SETD3: variants seen among roughly 807,000 people sequenced by gnomAD.
The protein encoded by SETD3 is actin-histidine N-methyltransferase.
SETD3 carries 19 observed loss-of-function variants against 63.0 expected under a neutral mutation model. That is an observed-to-expected ratio of 0.30 (90% CI 0.21 to 0.44). SETD3 has a LOEUF of 0.44. SETD3 is among the 20% of genes least tolerant of loss of function. SETD3 has a pLI of 1.00. For missense variants in SETD3, 587 were observed against 728.5 expected (o/e 0.81, Z 2.24); for synonymous variants, 286 against 264.1 (o/e 1.08, Z -0.80).
chr14:99,414,063 C>G, intron 6 of SETD3, 129 bp from the exon 7 acceptor site: 1 of 790,858 alleles, frequency 1.3e-6, no homozygotes, highest in Non-Finnish European at 2.1e-6. Flanking sequence ...AGGCGGCGTC[C>G]AGCCGCGCTA....
At chr14:99,404,981 C>G (rs971619973) in intron 10 of SETD3, among the ~76,000 whole-genome samples, 1 of 152,200 alleles carries the variant, frequency 6.6e-6, no homozygotes, top group African/African-American at 2.4e-5. Flanking sequence ...AGGCCATATC[C>G]CCCAGAACTG....
Position 99,474,196 on chromosome 14 carries a change from A to G in SETD3, c.-9+6532T>C, listed in dbSNP as rs759784917. Among the ~76,000 whole-genome samples, 63 of 152,170 alleles carry G rather than the reference A, an allele frequency of 4.1e-4. 1 individual carries two copies. The highest frequency in any genetic ancestry group is 7.8e-4 in the Non-Finnish European group (53 of 68,024). On this transcript the variant is annotated intron_variant, in intron 1 of 12. Transcript: ENST00000331768. ...AAAAATTAGCCTGGTATGGTGGCAC[A>G]GGCCTGTAATCCCAGCTACTTAGGA... is the stretch of plus-strand genomic sequence containing the variant.
intron 11 of SETD3, among the ~76,000 whole-genome samples, chr14:99,401,069 G>A (rs1254903704): frequency 6.6e-6 from 1 of 151,782 alleles, no homozygotes; most frequent in Non-Finnish European, 1.5e-5. Flanking sequence ...AACCCAGGAG[G>A]TGGAGACTGC....
rs1288129284 is a variant in SETD3 at position 99,418,930 on chromosome 14, T to C, written c.676-4996A>G. ...CTTTCCACCCCCAAATGCAGGCTCA[T>C]AAGCAGCAGCATGCAAGACAGCGAG... On this transcript the variant is annotated intron_variant, in intron 6 of 12. Transcript: ENST00000331768. Among the ~76,000 whole-genome samples the C allele has an allele frequency of 2.0e-5, 3 of 152,198 alleles. No homozygotes were observed. In the East Asian group the frequency reaches 5.8e-4, roughly 29 times the overall value.
intron 1 of SETD3, among the ~76,000 whole-genome samples, chr14:99,480,505 C>T (rs913885700): frequency 1.3e-5 from 2 of 150,946 alleles, no homozygotes; most frequent in Non-Finnish European, 3.0e-5. Context: ...CCGACCGGCG[C>T]CCTCCGACCC....
rs370957994 is a variant in SETD3 at position 99,479,659 on chromosome 14, G to C, written c.-9+1069C>G. 8.5e-5 allele frequency among the ~76,000 whole-genome samples: 13 copies of C among 152,306 alleles called. No individual in the cohort carries two copies. In the South Asian group the frequency reaches 2.5e-3, roughly 29 times the overall value. On this transcript the variant is annotated intron_variant, in intron 1 of 12. Transcript: ENST00000331768. ...CACACTTTTCAGTGTCCGGTTCTGA[G>C]TTCTGACAAACGCATTTATAGTGGC...
chr14:99,400,063 A>T (rs771632790), intron 12 of SETD3, 36 bp downstream of exon 12: 4 of 1,555,588 alleles, frequency 2.6e-6, no homozygotes, highest in Non-Finnish European at 3.5e-6. Flanking sequence ...TTAACAACAC[A>T]ACAAGTTCAA....
Position 99,453,748 on chromosome 14 carries a change from C to T in SETD3, c.675+4531G>A, listed in dbSNP as rs551561455. Among the ~76,000 whole-genome samples the T allele has an allele frequency of 2.3e-3, 343 of 152,110 alleles. 1 individual carries two copies. Among genetic ancestry groups the T allele is most frequent in the Non-Finnish European group, 3.8e-3 (260 of 67,990 alleles). ...GGCTGAGGCAGGAGAATTGCTTGAA[C>T]CCGGGAGGCTGAGGTTGCAGTGAGC... is the stretch of plus-strand genomic sequence containing the variant. On this transcript the variant is annotated intron_variant, in intron 6 of 12. Transcript: ENST00000331768.
intron 2 of SETD3, among the ~76,000 whole-genome samples, chr14:99,464,354 T>C (rs892995974): frequency 1.3e-5 from 2 of 152,350 alleles, no homozygotes; most frequent in Non-Finnish European, 1.5e-5. Flanking sequence ...AAAGAGTATA[T>C]GTGGCAAATA....
At chr14:99,400,591 T>C (rs1566869902) in intron 11 of SETD3, among the ~76,000 whole-genome samples, 1 of 152,190 alleles carries the variant, frequency 6.6e-6, no homozygotes, top group Non-Finnish European at 1.5e-5. Flanking sequence ...TGTACCCCCT[T>C]ATTTTGACAA....
chr14:99,480,794 C>A lies in SETD3; in HGVS notation c.-75G>T. The stretch of plus-strand genomic sequence containing the variant: ...CCCGGACCCCGCCGTCCGCCTCAAC[C>A]AACCCCCAGGCGGTGGCGGCGGTGG... On this transcript the variant is annotated 5_prime_UTR_variant, in exon 1 of 13. Coordinates refer to ENST00000331768, the MANE Select transcript of SETD3 (RefSeq NM_032233.3). 1 of 159,466 alleles carries A rather than the reference C, an allele frequency of 6.3e-6. No individual in the cohort carries two copies. Among genetic ancestry groups the A allele is most frequent in the South Asian group, 1.9e-4 (1 of 5,270 alleles). The allele number at this position is 159,466 out of a possible 1,614,324, so 9.9% of individuals were successfully genotyped here.
intron 6 of SETD3, among the ~76,000 whole-genome samples, chr14:99,438,661 T>G (rs1189712902): frequency 6.6e-6 from 1 of 152,214 alleles, no homozygotes; most frequent in Non-Finnish European, 1.5e-5. Flanking sequence ...CCAGGCTAAG[T>G]AGTCTTATGG....
intron 12 of SETD3, 37 bp downstream of exon 12, chr14:99,400,062 C>T (rs893394819): frequency 3.9e-6 from 6 of 1,552,726 alleles, no homozygotes; most frequent in Non-Finnish European, 5.2e-6. Flanking sequence ...CTTAACAACA[C>T]AACAAGTTCA....
chr14:99,418,501 T>C (rs1892399171), intron 6 of SETD3, among the ~76,000 whole-genome samples: 1 of 152,132 alleles, frequency 6.6e-6, no homozygotes, highest in African/African-American at 2.4e-5. Context: ...GGATGCAATT[T>C]TGCAAGTTTC....
intron 9 of SETD3, 94 bp from the exon 10 acceptor site, chr14:99,405,465 A>G: frequency 7.7e-7 from 1 of 1,305,798 alleles, no homozygotes; most frequent in Non-Finnish European, 1.0e-6. Context: ...GCTACTTTAC[A>G]TTTAGACACT....
In SETD3 at chr14:99,456,445, T is replaced by A. The variant is rs377083779; in HGVS notation, c.675+1834A>T. Among the ~76,000 whole-genome samples, 25 of 152,348 alleles carry A rather than the reference T, an allele frequency of 1.6e-4. No individual in the cohort carries two copies. In the East Asian group the frequency reaches 4.2e-3, roughly 26 times the overall value. The stretch of plus-strand genomic sequence containing the variant: ...TTTAAAAAGATTAGTGCTCTAAGAA[T>A]GTTGTTTTTAAAAAGGATATTTGTA... On this transcript the variant is annotated intron_variant, in intron 6 of 12. Coordinates refer to ENST00000331768, the MANE Select transcript of SETD3 (RefSeq NM_032233.3).
chr14:99,460,300 G>A (rs1267386925), intron 4 of SETD3, among the ~76,000 whole-genome samples: 1 of 152,054 alleles, frequency 6.6e-6, no homozygotes, highest in Non-Finnish European at 1.5e-5. Flanking sequence ...GTTTGAGGGG[G>A]CCCAAATAAC....
In SETD3 at chr14:99,413,876, C is replaced by T; in HGVS notation, c.734G>A (p.Arg245Lys). The T allele has an allele frequency of 6.2e-7, 1 of 1,614,078 alleles. No individual in the cohort carries two copies. Among genetic ancestry groups the T allele is most frequent in the Admixed American group, 1.7e-5 (1 of 60,028 alleles). Residue 245 changes from arginine (R) to lysine (K), a missense_variant and splice_region_variant, in exon 7 of 13, where the codon AGG (arginine) becomes AAG (lysine). Transcript: ENST00000331768. ...LKDSFTYEDY[R>K]WAVSSVMTRQ... The stretch of plus-strand genomic sequence containing the variant: ...AGACACACTCACAGCCCACACCAAC[C>T]TGTAGTCCTCGTAAGTGAAAGAATC...
chr14:99,473,235 G>GAATA (rs1270587447), intron 1 of SETD3, among the ~76,000 whole-genome samples: 1 of 152,198 alleles, frequency 6.6e-6, no homozygotes, highest in Admixed American at 6.5e-5. Context: ...CTGAATCGTG[G>GAATA]AATAAATGGG....
Sources: allele counts gnomAD v4.1 joint callset (sites outside exome capture counted in the v4.1 genomes callset), GRCh38; gene constraint gnomAD v4.1.1; transcripts MANE v1.5; gene names NCBI Gene and HGNC (gene_info 2026-07-23, HGNC 2026-07-21).